Variants in TRPC4 observed in about 807,000 individuals in gnomAD.
TRPC4 encodes the protein short transient receptor potential channel 4.
In TRPC4, 49 loss-of-function variants were observed where a neutral mutation model predicts 99.4. The ratio of observed to expected loss-of-function variants is 0.49; its 90% confidence interval spans 0.39 to 0.63. The LOEUF (loss-of-function observed/expected upper bound fraction) is 0.63, where lower values mean the gene tolerates loss of function less well. Ranked by LOEUF, TRPC4 falls within the 20% of genes least tolerant of loss-of-function variation. The pLI is 0.00. For missense variants in TRPC4, 898 were observed against 1,152.9 expected (o/e 0.78, Z 3.20); for synonymous variants, 454 against 425.9 (o/e 1.07, Z -0.81).
intron 3 of TRPC4, 125 bp downstream of exon 3, chr13:37,745,812 A>G: frequency 3.0e-6 from 3 of 1,005,970 alleles, no homozygotes; most frequent in Non-Finnish European, 4.4e-6. Context: ...TAGACAATAA[A>G]TGTCATCCAC....
At chr13:37,851,622 A>T (rs1959060961) in intron 1 of TRPC4, among the ~76,000 whole-genome samples, 1 of 152,236 alleles carries the variant, frequency 6.6e-6, no homozygotes, top group Non-Finnish European at 1.5e-5. Flanking sequence ...CATATTCCTA[A>T]CACCAAATTA....
At chr13:37,810,415 C>G (rs1378923724) in intron 1 of TRPC4, among the ~76,000 whole-genome samples, 1 of 151,940 alleles carries the variant, frequency 6.6e-6, no homozygotes, top group Non-Finnish European at 1.5e-5. Flanking sequence ...AGATAAATCT[C>G]TCACTGTCTT....
chr13:37,692,415 G>T, intron 3 of TRPC4, 80 bp from the exon 4 acceptor site: 1 of 1,235,710 alleles, frequency 8.1e-7, no homozygotes, highest in Non-Finnish European at 1.1e-6. Context: ...GAACACAATT[G>T]TGATCTTTAA....
intron 4 of TRPC4, among the ~76,000 whole-genome samples, chr13:37,688,615 A>G (rs1029264140): frequency 1.1e-4 from 17 of 152,228 alleles, no homozygotes; most frequent in African/African-American, 3.4e-4. Context: ...GTATAAAGTG[A>G]TCATTTCTCA....
In TRPC4 at chr13:37,633,475, T is replaced by G. The variant is rs1235276368; in HGVS notation, c.*3428A>C. Among the ~76,000 whole-genome samples the G allele has an allele frequency of 6.6e-6, 1 of 152,160 alleles. No homozygotes were observed. The highest frequency in any genetic ancestry group is 1.5e-5 in the Non-Finnish European group (1 of 68,012). On this transcript the variant is annotated 3_prime_UTR_variant, in exon 11 of 11. Transcript: ENST00000379705. ...AGAGCTGTGAGACTGGATAGTCATTTACTCAGCTAAATCCCAGAGTTATTA... is the reference window on the plus strand; with the variant it reads ...AGAGCTGTGAGACTGGATAGTCATTGACTCAGCTAAATCCCAGAGTTATTA...
At chr13:37,736,932 C>T (rs1955416012) in intron 3 of TRPC4, among the ~76,000 whole-genome samples, 2 of 147,320 alleles carry the variant, frequency 1.4e-5, no homozygotes, top group East Asian at 2.0e-4. Flanking sequence ...AAGGTTGCAC[C>T]GTGTTGCCCA....
chr13:37,673,207 G>C (rs1952921860), intron 5 of TRPC4, among the ~76,000 whole-genome samples: 1 of 150,272 alleles, frequency 6.7e-6, no homozygotes, highest in Non-Finnish European at 1.5e-5. Flanking sequence ...TTGGTTTTCT[G>C]TCCTTGCAAT....
chr13:37,737,585 C>T (rs1955440034), intron 3 of TRPC4, among the ~76,000 whole-genome samples: 1 of 152,050 alleles, frequency 6.6e-6, no homozygotes, highest in Non-Finnish European at 1.5e-5. Flanking sequence ...GTGACCCTCC[C>T]ACCTCAGCTT....
At chr13:37,640,522 T>A (rs1372919145) in intron 8 of TRPC4, among the ~76,000 whole-genome samples, 1 of 152,188 alleles carries the variant, frequency 6.6e-6, no homozygotes, top group African/African-American at 2.4e-5. Context: ...TTGACTATCA[T>A]TCACTTTTGC....
At chr13:37,672,540 A>G (rs1024006257) in intron 5 of TRPC4, among the ~76,000 whole-genome samples, 3 of 152,230 alleles carry the variant, frequency 2.0e-5, no homozygotes, top group Non-Finnish European at 4.4e-5. Context: ...ATTCCTATCC[A>G]CTTAGAAATT....
chr13:37,810,766 A>G (rs1957661119), intron 1 of TRPC4, among the ~76,000 whole-genome samples: 1 of 152,074 alleles, frequency 6.6e-6, no homozygotes, highest in Non-Finnish European at 1.5e-5. Flanking sequence ...TTACATTCAT[A>G]CATATTTAAT....
intron 1 of TRPC4, among the ~76,000 whole-genome samples, chr13:37,793,710 G>T (rs1291127357): frequency 6.6e-6 from 1 of 152,050 alleles, no homozygotes; most frequent in Non-Finnish European, 1.5e-5. Flanking sequence ...CATGTGATCA[G>T]ATTACAGACA....
intron 2 of TRPC4, among the ~76,000 whole-genome samples, chr13:37,778,382 A>G (rs539746972): frequency 6.6e-6 from 1 of 152,160 alleles, no homozygotes; most frequent in East Asian, 1.9e-4. Flanking sequence ...AATTCTAATC[A>G]CAGTTACTGG....
At chr13:37,692,708 T>C (rs1953757809) in intron 3 of TRPC4, among the ~76,000 whole-genome samples, 1 of 152,206 alleles carries the variant, frequency 6.6e-6, no homozygotes, top group South Asian at 2.1e-4. Flanking sequence ...GTGTGGCTCT[T>C]TTTTGATATA....
At chr13:37,673,672 AT>A (rs1349745516) in intron 5 of TRPC4, among the ~76,000 whole-genome samples, 1 of 152,188 alleles carries the variant, frequency 6.6e-6, no homozygotes, top group Non-Finnish European at 1.5e-5. Context: ...GATAAGATTG[AT>A]GGTGTACAAA....
In TRPC4 at chr13:37,811,310, C is replaced by T. The variant is rs559215952; in HGVS notation, c.-27-27950G>A. ...CTCCCACTTAAAATAACAAAAACAACAACAAATAGGAAAATAAATGAAACA... is the reference window on the plus strand; with the variant it reads ...CTCCCACTTAAAATAACAAAAACAATAACAAATAGGAAAATAAATGAAACA... On this transcript the variant is annotated intron_variant, in intron 1 of 10. Transcript: ENST00000379705. Among the ~76,000 whole-genome samples the T allele has an allele frequency of 7.1e-4, 108 of 152,066 alleles. 3 individuals are homozygous for T. The South Asian group carries it at 0.021, about 30-fold the overall frequency.
At chr13:37,831,977 A>T (rs1958433631) in intron 1 of TRPC4, among the ~76,000 whole-genome samples, 1 of 152,160 alleles carries the variant, frequency 6.6e-6, no homozygotes, top group Non-Finnish European at 1.5e-5. Context: ...ATTGCATAAC[A>T]TGTTGACTAT....
intron 2 of TRPC4, among the ~76,000 whole-genome samples, chr13:37,758,596 C>T (rs370005473): frequency 6.6e-6 from 1 of 151,656 alleles, no homozygotes; most frequent in South Asian, 2.1e-4. Flanking sequence ...ACAACCTGTT[C>T]CTGTTTGGCA....
intron 3 of TRPC4, among the ~76,000 whole-genome samples, chr13:37,743,622 G>A (rs1207976169): frequency 1.3e-5 from 2 of 152,172 alleles, no homozygotes; most frequent in Admixed American, 6.6e-5. Flanking sequence ...CAAGTGCCCC[G>A]TGCATTTCCT....
Sources: gnomAD v4.1 joint callset for allele counts (sites outside exome capture counted in the v4.1 genomes callset) on GRCh38, gnomAD v4.1.1 for gene constraint, MANE v1.5 for transcripts, NCBI Gene and HGNC (gene_info 2026-07-23, HGNC 2026-07-21) for gene names.